The following TMPRSS2 variants were observed in gnomAD, a reference collection of about 807,000 sequenced individuals.
The protein encoded by TMPRSS2 is transmembrane serine protease 2, also known as transmembrane protease serine 2.
Under a neutral mutation model 67.4 loss-of-function variants are expected in TMPRSS2, and 59 were observed. The ratio of observed to expected loss-of-function variants is 0.88; its 90% CI spans 0.71 to 1.09. TMPRSS2 has a LOEUF of 1.09. TMPRSS2 is among the 50% of genes least tolerant of loss of function. The pLI, the probability that TMPRSS2 is intolerant of heterozygous loss-of-function variation, is 0.00. For synonymous variants in TMPRSS2, 257 were observed against 257.0 expected (o/e 1.00, Z 0.00); for missense variants, 668 against 642.7 (o/e 1.04, Z -0.43).
chr21:41,488,449 AGAGGGGTTGATGCAGGTACCT>A lies in TMPRSS2; in HGVS notation c.369_389del (p.Gly124_Ser130del), dbSNP rs1235884987. Reference sequence around the variant, plus strand: ...AGTGTGACACGCCATCACACCAGTTAGAGGGGTTGATGCAGGTACCTGAGGAGTCGCACTCTATCCCAGAGT... The same window carrying A: ...AGTGTGACACGCCATCACACCAGTTAGAGGAGTCGCACTCTATCCCAGAGT... On this transcript the variant is annotated inframe_deletion, in exon 5 of 14. Transcript: ENST00000332149. 6.2e-7 allele frequency: 1 copy of A among 1,613,824 alleles called. No homozygotes were observed. The highest frequency in any genetic ancestry group is 8.5e-7 in the Non-Finnish European group (1 of 1,179,934).
At chr21:41,477,751 G>A (rs778518816) in intron 7 of TMPRSS2, among the ~76,000 whole-genome samples, 1 of 152,106 alleles carries the variant, frequency 6.6e-6, no homozygotes, top group Non-Finnish European at 1.5e-5. Flanking sequence ...AAGGTCGGTA[G>A]GGATAGCCCT....
intron 2 of TMPRSS2, among the ~76,000 whole-genome samples, chr21:41,497,364 G>A (rs1362177109): frequency 1.3e-5 from 2 of 152,164 alleles, no homozygotes; most frequent in Non-Finnish European, 2.9e-5. Flanking sequence ...AACCAGAGCA[G>A]CACACAGAGG....
intron 13 of TMPRSS2, 62 bp downstream of exon 13, chr21:41,467,672 A>G: frequency 6.3e-7 from 1 of 1,588,822 alleles, no homozygotes; most frequent in South Asian, 1.2e-5. Flanking sequence ...CACGCCTAAC[A>G]GATGTCTGGC....
chr21:41,479,920 A>G (rs1399480942), intron 6 of TMPRSS2, among the ~76,000 whole-genome samples: 1 of 152,130 alleles, frequency 6.6e-6, no homozygotes, highest in African/African-American at 2.4e-5. Context: ...CTGTCAGGCG[A>G]CACACACCCT....
At chr21:41,484,463 A>G (rs2091280549) in intron 5 of TMPRSS2, among the ~76,000 whole-genome samples, 1 of 152,202 alleles carries the variant, frequency 6.6e-6, no homozygotes, top group Admixed American at 6.5e-5. Flanking sequence ...AATGTTTTCC[A>G]TGGGACGGGT....
chr21:41,507,711 C>A (rs924095171), intron 1 of TMPRSS2, among the ~76,000 whole-genome samples: 5 of 152,226 alleles, frequency 3.3e-5, no homozygotes, highest in Non-Finnish European at 5.9e-5. Context: ...TGCTCCCAGG[C>A]GGGGGCCGTG....
At chr21:41,489,409 G>A in intron 4 of TMPRSS2, 98 bp downstream of exon 4, 4 of 909,658 alleles carry the variant, frequency 4.4e-6, no homozygotes, top group Non-Finnish European at 6.8e-6. Flanking sequence ...ACCTCACGGA[G>A]GGCCTCCAGA....
At position 41,468,352 on chromosome 21, in the gene TMPRSS2, A is replaced by G. The variant is rs757546841; in HGVS notation, c.1314+44T>C. On this transcript the variant is annotated intron_variant, in intron 12 of 13. Transcript: ENST00000332149. ...CCCTCTCTCTCATGGGGGGTTCAGT[A>G]GGATCTGGTAAGGACCAAAGGTAGA... 1.4e-5 allele frequency: 22 copies of G among 1,608,652 alleles called. No homozygotes were observed. The South Asian group carries it at 2.4e-4, about 18-fold the overall frequency.
chr21:41,466,653 G>A (rs1332710883), intron 13 of TMPRSS2, among the ~76,000 whole-genome samples: 1 of 152,226 alleles, frequency 6.6e-6, no homozygotes, highest in African/African-American at 2.4e-5. Context: ...GTCATGGGAA[G>A]GCCCTGAGTC....
At position 41,498,113 on chromosome 21, in the gene TMPRSS2, ACTT is replaced by A; in HGVS notation, c.15+3_15+5del. On this transcript the variant is annotated splice_donor_5th_base_variant and intron_variant, in intron 2 of 13. Transcript: ENST00000332149. ...AAGGCCAGGAAGGTAATAATTAACC[ACTT>A]ACTGAGTTCAAAGCCATCTTGCTGT... The A allele has an allele frequency of 6.2e-7, 1 of 1,600,964 alleles. No homozygotes were observed. The highest frequency in any genetic ancestry group is 1.1e-5 in the South Asian group (1 of 90,338).
chr21:41,483,269 T>C (rs1459141497), intron 5 of TMPRSS2, among the ~76,000 whole-genome samples: 2 of 152,190 alleles, frequency 1.3e-5, no homozygotes, highest in Admixed American at 6.5e-5. Flanking sequence ...GTTCACTTTT[T>C]TAAAAGTAAC....
chr21:41,466,417 CT>C (rs1474654529), intron 13 of TMPRSS2, among the ~76,000 whole-genome samples: 1 of 152,354 alleles, frequency 6.6e-6, no homozygotes, highest in East Asian at 1.9e-4. Context: ...CCCCCGGCTG[CT>C]CTCCTGCCAC....
In TMPRSS2 at chr21:41,468,411, G is replaced by A. The variant is rs148988435; in HGVS notation, c.1299C>T (p.Asn433=). ...GTTGAATTACCTGGCAAGAATCGAC[G>A]TTCCCCTGCAGGAAGCCGGCACAGA... ...AMICAGFLQG[N]VDSCQGDSGG... The change falls in exon 12 of 14, where the codon AAC becomes AAT. Residue 433 remains asparagine, a synonymous_variant. Coordinates refer to ENST00000332149, the MANE Select transcript of TMPRSS2 (RefSeq NM_005656.4). 51 of 1,614,134 alleles carry A rather than the reference G, an allele frequency of 3.2e-5. No homozygotes were observed. The East Asian group carries it at 6.9e-4, about 22-fold the overall frequency.
intron 1 of TMPRSS2, among the ~76,000 whole-genome samples, chr21:41,502,056 C>G (rs1229500722): frequency 1.3e-5 from 2 of 152,194 alleles, no homozygotes; most frequent in African/African-American, 4.8e-5. Context: ...CCACTTGAAT[C>G]TCACAATGGC....
At chr21:41,482,402 C>T (rs562664177) in intron 5 of TMPRSS2, among the ~76,000 whole-genome samples, 2 of 152,266 alleles carry the variant, frequency 1.3e-5, no homozygotes, top group East Asian at 1.9e-4. Flanking sequence ...TTGAAAACAG[C>T]GCTGTGGGAA....
rs1363710571 is a variant in TMPRSS2 at position 41,479,168 on chromosome 21, A to G, written c.683+4T>C. 6.2e-7 allele frequency: 1 copy of G among 1,610,556 alleles called. No individual in the cohort carries two copies. The highest frequency in any genetic ancestry group is 1.3e-5 in the African/African-American group (1 of 74,746). ...AAATTTTTCAAGAAGAAATTGCTGC[A>G]TACCTGTGGTACAGTTTTTTATAGA... On this transcript the variant is annotated splice_donor_region_variant and intron_variant, in intron 7 of 13. Transcript: ENST00000332149.
At chr21:41,489,675 G>T in intron 3 of TMPRSS2, 82 bp from the exon 4 acceptor site, 2 of 836,500 alleles carry the variant, frequency 2.4e-6, no homozygotes, top group Non-Finnish European at 1.9e-6. Flanking sequence ...TATTTTTATA[G>T]TACACCACAT....
chr21:41,473,326 T>C lies in TMPRSS2; in HGVS notation c.898A>G (p.Lys300Glu), dbSNP rs2091151381. ...CGGCCCGCGCCGCCCCTGGCATACT[T>C]TTCCACGCAGTGGGCGGCTGTCACG... The part of the protein sequence containing the change: ...WIVTAAHCVE[K>E]PLNNPWHWTA... The change falls in exon 9 of 14, where the codon AAA becomes GAA. Residue 300 changes from lysine (K) to glutamate (E), a missense_variant and splice_region_variant. Physicochemically the swap from Lys to Glu is moderately conservative, Grantham distance 56 (BLOSUM62 1). Coordinates refer to ENST00000332149, the MANE Select transcript of TMPRSS2 (RefSeq NM_005656.4). The C allele has an allele frequency of 6.3e-7, 1 of 1,594,588 alleles. No individual in the cohort carries two copies. The highest frequency in any genetic ancestry group is 8.5e-7 in the Non-Finnish European group (1 of 1,170,124).
chr21:41,482,790 T>A (rs1239922029), intron 5 of TMPRSS2, among the ~76,000 whole-genome samples: 3 of 152,164 alleles, frequency 2.0e-5, no homozygotes, highest in Non-Finnish European at 4.4e-5. Context: ...TGAAAAGGCA[T>A]GGAGGAAACT....
Sources: gnomAD v4.1 joint callset for allele counts (sites outside exome capture counted in the v4.1 genomes callset) on GRCh38, gnomAD v4.1.1 for gene constraint, MANE v1.5 for transcripts, NCBI Gene and HGNC (gene_info 2026-07-23, HGNC 2026-07-21) for gene names.